FAM216A: variants seen among roughly 807,000 people sequenced by gnomAD.
FAM216A encodes protein FAM216A.
In FAM216A, 26 loss-of-function variants were observed where a neutral mutation model predicts 37.6. The ratio of observed to expected loss-of-function variants is 0.69; its 90% CI spans 0.51 to 0.96. The LOEUF (loss-of-function observed/expected upper bound fraction) is 0.96. Among genes scored for constraint, FAM216A ranks in the 40% least tolerant of loss-of-function variants. FAM216A has a pLI of 0.00. For synonymous variants in FAM216A, 110 were observed against 121.7 expected, an observed-to-expected ratio of 0.90 and a Z score of 0.64; for missense variants, 326 against 339.3, an observed-to-expected ratio of 0.96 and a Z score of 0.31.
At chr12:110,474,791 C>T (rs1419440717) in intron 2 of FAM216A, among the ~76,000 whole-genome samples, 3 of 149,860 alleles carry the variant, frequency 2.0e-5, no homozygotes, top group Non-Finnish European at 2.9e-5. Context: ...CACCTGAGGT[C>T]AGAAATTCGA....
chr12:110,487,682 G>A, intron 5 of FAM216A, 179 bp from the exon 6 acceptor site: 1 of 594,780 alleles, frequency 1.7e-6, no homozygotes, highest in Non-Finnish European at 3.0e-6. Flanking sequence ...CATGAGTATT[G>A]AAATTGCACT....
chr12:110,471,672 G>GCTA (rs2062687644), intron 1 of FAM216A, among the ~76,000 whole-genome samples: 1 of 152,150 alleles, frequency 6.6e-6, no homozygotes, highest in Non-Finnish European at 1.5e-5. Context: ...TAAACTAGAA[G>GCTA]GAGCAAGCGT....
chr12:110,479,045 C>T (rs142189652), intron 2 of FAM216A, among the ~76,000 whole-genome samples: 2,960 of 151,776 alleles, frequency 0.02, 41 homozygotes, highest in Middle Eastern at 0.082. Flanking sequence ...AAAAATTAGC[C>T]GGGCGTCGTG....
chr12:110,469,708 C>G (rs1016434684), intron 1 of FAM216A, among the ~76,000 whole-genome samples: 1 of 151,842 alleles, frequency 6.6e-6, no homozygotes, highest in African/African-American at 2.4e-5. Context: ...GGTGGTTTCA[C>G]CATGTTGGCT....
At chr12:110,477,640 G>C (rs1231239731) in intron 2 of FAM216A, among the ~76,000 whole-genome samples, 1 of 152,018 alleles carries the variant, frequency 6.6e-6, no homozygotes, top group Non-Finnish European at 1.5e-5. Flanking sequence ...ACAGGCGTGA[G>C]TCAACGCGCC....
chr12:110,479,123 A>G (rs1019157380), intron 2 of FAM216A, among the ~76,000 whole-genome samples: 1 of 151,530 alleles, frequency 6.6e-6, no homozygotes, highest in Non-Finnish European at 1.5e-5. Context: ...TGGGAGGCGG[A>G]GCTTGCAGTG....
At chr12:110,473,254 T>C (rs111347820) in intron 2 of FAM216A, 136 bp downstream of exon 2, 6 of 388,904 alleles carry the variant, frequency 1.5e-5, no homozygotes, top group African/African-American at 8.5e-5. Flanking sequence ...CTCTGTTGCC[T>C]GGGCTGGAGT....
chr12:110,480,062 G>A (rs2062737445), intron 2 of FAM216A, among the ~76,000 whole-genome samples: 1 of 148,232 alleles, frequency 6.7e-6, no homozygotes, highest in Non-Finnish European at 1.5e-5. Flanking sequence ...TTTCGCTCTT[G>A]TTGCCCAGGC....
chr12:110,474,719 A>AT (rs2062705805), intron 2 of FAM216A, among the ~76,000 whole-genome samples: 16 of 131,648 alleles, frequency 1.2e-4, no homozygotes, highest in African/African-American at 4.6e-4. Context: ...AAAAAAAAAA[A>AT]TGCTGGGCGC....
At chr12:110,471,441 C>T (rs559106926) in intron 1 of FAM216A, among the ~76,000 whole-genome samples, 30 of 152,090 alleles carry the variant, frequency 2.0e-4, no homozygotes, top group Non-Finnish European at 3.7e-4. Context: ...AAATTAAAGT[C>T]TTACTTTTTC....
intron 5 of FAM216A, chr12:110,486,932 AT>A: frequency 2.0e-6 from 1 of 510,004 alleles, no homozygotes. Context: ...GTTAAAAAAA[AT>A]TGTTTGTACA....
rs184385404 is a variant in FAM216A, at chr12:110,480,358, C to G, written c.185-4720C>G. On this transcript the variant is annotated intron_variant, in intron 2 of 6. Coordinates refer to ENST00000377673, the MANE Select transcript of FAM216A (RefSeq NM_013300.3). ...AGCTGGGACTACAGGCGCCTGCCAC[C>G]ATGCTTGGCTAATTTTTTTATATTT... Among the ~76,000 whole-genome samples the G allele has an allele frequency of 6.8e-3, 1,041 of 152,126 alleles. 1 individual carries two copies. The highest frequency in any genetic ancestry group is 9.3e-3 in the Non-Finnish European group (635 of 67,984).
intron 2 of FAM216A, among the ~76,000 whole-genome samples, chr12:110,479,729 T>G (rs1375099399): frequency 6.6e-6 from 1 of 151,650 alleles, no homozygotes; most frequent in East Asian, 1.9e-4. Context: ...TCCCAGCTAC[T>G]TGGGAGACTG....
At chr12:110,484,440 A>C (rs1193508208) in intron 2 of FAM216A, among the ~76,000 whole-genome samples, 11 of 147,446 alleles carry the variant, frequency 7.5e-5, no homozygotes, top group Non-Finnish European at 1.5e-4. Context: ...AAAAAAAAAA[A>C]AAAAAAAAAA....
chr12:110,486,994 G>C (rs2062781129), intron 5 of FAM216A: 1 of 349,954 alleles, frequency 2.9e-6, no homozygotes, highest in African/African-American at 2.1e-5. Context: ...GCCTCCCAAA[G>C]CACTGGGATT....
upstream of FAM216A, chr12:110,468,615 C>T: frequency 6.5e-7 from 1 of 1,537,242 alleles, no homozygotes; most frequent in East Asian, 2.4e-5. Context: ...AAGTGGAAGG[C>T]ACCTCTTGTT....
intron 1 of FAM216A, among the ~76,000 whole-genome samples, chr12:110,471,205 C>T (rs1025661647): frequency 6.6e-6 from 1 of 152,046 alleles, no homozygotes; most frequent in African/African-American, 2.4e-5. Flanking sequence ...AGCGATTCTC[C>T]TGCCTCCTGA....
At chr12:110,478,507 G>A (rs1187831804) in intron 2 of FAM216A, among the ~76,000 whole-genome samples, 1 of 152,178 alleles carries the variant, frequency 6.6e-6, no homozygotes, top group East Asian at 1.9e-4. Context: ...CCAAGGCAGA[G>A]GAGTTTCTCT....
intron 2 of FAM216A, 32 bp downstream of exon 2, chr12:110,473,150 A>T: frequency 7.9e-7 from 1 of 1,273,718 alleles, no homozygotes; most frequent in Non-Finnish European, 1.1e-6. Flanking sequence ...GATAATACTT[A>T]TAAGTAACAT....
Sources: allele counts gnomAD v4.1 joint callset (sites outside exome capture counted in the v4.1 genomes callset), GRCh38; gene constraint gnomAD v4.1.1; transcripts MANE v1.5; gene names NCBI Gene and HGNC (gene_info 2026-07-23, HGNC 2026-07-21).